Variants in ATP11C observed in about 807,000 individuals in gnomAD.
The protein encoded by ATP11C is ATPase phospholipid transporting 11C (ATP11C blood group).
A neutral mutation model predicts 97.4 loss-of-function variants in ATP11C; 36 were observed. The ratio of observed to expected loss-of-function variants is 0.37; its 90% CI spans 0.28 to 0.49. The LOEUF is 0.49. Among genes scored for constraint, ATP11C ranks in the 20% least tolerant of loss-of-function variants. The pLI is 0.98. For synonymous variants in ATP11C, 275 were observed against 290.9 expected, an observed-to-expected ratio of 0.95 and a Z score of 0.56; for missense variants, 730 against 824.6, an observed-to-expected ratio of 0.89 and a Z score of 1.40.
intron 1 of ATP11C, among the ~76,000 whole-genome samples, chrX:139,866,343 C>CAAAAAAAAAAAAAAAA (rs57250412): frequency 1.5e-3 from 42 of 27,542 alleles, no homozygotes; most frequent in East Asian, 6.8e-3. Flanking sequence ...GACTCTGTCT[C>CAAAAAAAAAAAAAAAA]AAAAAAAAAA....
intron 1 of ATP11C, chrX:139,832,235 A>C: frequency 8.3e-7 from 1 of 1,202,897 alleles, no homozygotes; most frequent in Non-Finnish European, 1.1e-6. Flanking sequence ...TAAATCTCAG[A>C]GAGAATGCTG....
At chrX:139,754,966 T>C (rs749563537) in intron 23 of ATP11C, among the ~76,000 whole-genome samples, 22 of 111,756 alleles carry the variant, frequency 2.0e-4, no homozygotes, top group Non-Finnish European at 3.2e-4. Context: ...CTATTTAACA[T>C]AGTACTGGAA....
intron 15 of ATP11C, among the ~76,000 whole-genome samples, chrX:139,786,300 T>C (rs2082571823): frequency 8.9e-6 from 1 of 111,838 alleles, no homozygotes; most frequent in African/African-American, 3.3e-5. Context: ...TAGCTTGTTT[T>C]GGTGGGAGTG....
Position 139,816,845 on chromosome X carries a change from T to C in ATP11C, c.318+18A>G, listed in dbSNP as rs753172674. On this transcript the variant is annotated intron_variant, in intron 4 of 29. Coordinates refer to ENST00000682941, the MANE Select transcript of ATP11C (RefSeq NM_001353812.2). ...GCCTGGACTGAAATGCAGGTGCAAGTGTAAATAAGAAATTTACCTGCTTGA... is the reference window on the plus strand; with the variant it reads ...GCCTGGACTGAAATGCAGGTGCAAGCGTAAATAAGAAATTTACCTGCTTGA... 8.8e-7 allele frequency: 1 copy of C among 1,130,937 alleles called. No individual in the cohort carries two copies. The highest frequency in any genetic ancestry group is 1.2e-6 in the Non-Finnish European group (1 of 827,261). 93.2% of individuals were successfully genotyped at this position (1,130,937 alleles called of 1,213,427 possible).
intron 21 of ATP11C, 47 bp from the exon 22 acceptor site, chrX:139,762,153 A>C: frequency 1.1e-6 from 1 of 929,388 alleles, no homozygotes; most frequent in Non-Finnish European, 1.5e-6. Context: ...AGAATAAATG[A>C]CTCCCTGATT....
In ATP11C at chrX:139,726,706, G is replaced by A. The variant is rs1287557210; in HGVS notation, c.*2260C>T. On this transcript the variant is annotated 3_prime_UTR_variant, in exon 30 of 30. Transcript: ENST00000682941. ...TTAGTAGGTAACATCCTCAAACAATGGACAGCGGTTGTGAAAATTACAAAG... is the reference window on the plus strand; with the variant it reads ...TTAGTAGGTAACATCCTCAAACAATAGACAGCGGTTGTGAAAATTACAAAG... The A allele has an allele frequency of 8.9e-6, 1 of 112,196 alleles. No homozygotes were observed. Among genetic ancestry groups the A allele is most frequent in the Non-Finnish European group, 1.9e-5 (1 of 53,141 alleles). The allele number at this position is 112,196 out of a possible 1,213,427, so 9.2% of individuals were successfully genotyped here.
intron 1 of ATP11C, among the ~76,000 whole-genome samples, chrX:139,906,427 G>A (rs201174119): frequency 4.1e-5 from 4 of 96,585 alleles, no homozygotes; most frequent in Non-Finnish European, 8.1e-5. Context: ...CAAAAAAAAC[G>A]AAAAAAAAAA....
At chrX:139,912,662 T>C (rs777639575) in intron 1 of ATP11C, among the ~76,000 whole-genome samples, 1 of 111,492 alleles carries the variant, frequency 9.0e-6, no homozygotes, top group African/African-American at 3.3e-5. Context: ...TTAATGCACA[T>C]TGAATTTCAT....
At chrX:139,765,991 T>G (rs1266534945) in intron 20 of ATP11C, among the ~76,000 whole-genome samples, 1 of 112,145 alleles carries the variant, frequency 8.9e-6, no homozygotes, top group Admixed American at 9.4e-5. Context: ...GTTTTGAATC[T>G]AGAAATCTGG....
At chrX:139,859,945 A>C (rs2084156719) in intron 1 of ATP11C, among the ~76,000 whole-genome samples, 1 of 94,643 alleles carries the variant, frequency 1.1e-5, no homozygotes, top group Non-Finnish European at 1.9e-5. Flanking sequence ...TACTAAAAAT[A>C]CAAAAAAAAA....
intron 1 of ATP11C, chrX:139,924,142 C>G (rs975172095): frequency 2.6e-6 from 1 of 381,991 alleles, no homozygotes; most frequent in Non-Finnish European, 5.3e-6. Flanking sequence ...AATCCACGAA[C>G]TTGGCGATGC....
chrX:139,839,919 G>GT (rs937542801), intron 1 of ATP11C, among the ~76,000 whole-genome samples: 23 of 110,361 alleles, frequency 2.1e-4, no homozygotes, highest in Middle Eastern at 4.7e-3. Context: ...GTATTCCACT[G>GT]TTTCCCTCGG....
chrX:139,775,799 C>A (rs2082336550), intron 18 of ATP11C, among the ~76,000 whole-genome samples: 1 of 112,782 alleles, frequency 8.9e-6, no homozygotes, highest in Non-Finnish European at 1.9e-5. Context: ...TCAGTACTCC[C>A]CTCAGACCCA....
intron 12 of ATP11C, among the ~76,000 whole-genome samples, chrX:139,791,480 T>G (rs1174333289): frequency 1.8e-5 from 2 of 112,091 alleles, no homozygotes; most frequent in Non-Finnish European, 3.8e-5. Flanking sequence ...TATATGCCTA[T>G]AAATTATACC....
chrX:139,878,208 G>A (rs2084507484), intron 1 of ATP11C, among the ~76,000 whole-genome samples: 1 of 111,759 alleles, frequency 8.9e-6, no homozygotes, highest in African/African-American at 3.3e-5. Flanking sequence ...TTAGGGTGAT[G>A]AGTCAGCAAA....
intron 1 of ATP11C, among the ~76,000 whole-genome samples, chrX:139,900,716 A>G (rs2084887073): frequency 8.9e-6 from 1 of 112,282 alleles, no homozygotes; most frequent in Non-Finnish European, 1.9e-5. Context: ...AAAGAAGTTC[A>G]TTACCCAGTG....
chrX:139,742,899 ATATATATATATAT>A (rs2081598617), intron 26 of ATP11C, among the ~76,000 whole-genome samples: 1 of 97,302 alleles, frequency 1.0e-5, no homozygotes, highest in Non-Finnish European at 2.0e-5. Flanking sequence ...ATATATATAT[ATATATATATATAT>A]AAAAATAGAG....
At chrX:139,906,866 A>C (rs2084987941) in intron 1 of ATP11C, among the ~76,000 whole-genome samples, 2 of 111,395 alleles carry the variant, frequency 1.8e-5, no homozygotes, top group Admixed American at 1.9e-4. Context: ...AATATGTGGC[A>C]CAATGGTGTC....
At chrX:139,835,265 CAGG>C in intron 1 of ATP11C, among the ~76,000 whole-genome samples, 1 of 111,778 alleles carries the variant, frequency 8.9e-6, no homozygotes. Context: ...GGCAAGAAAC[CAGG>C]AGATCAAGGT....
Sources: allele counts gnomAD v4.1 joint callset (sites outside exome capture counted in the v4.1 genomes callset), GRCh38; gene constraint gnomAD v4.1.1; transcripts MANE v1.5; gene names NCBI Gene and HGNC (gene_info 2026-07-23, HGNC 2026-07-21).